Variants in UTP4 observed in about 807,000 individuals in gnomAD.
UTP4 encodes U3 small nucleolar RNA-associated protein 4 homolog.
UTP4 carries 45 observed loss-of-function variants against 82.4 expected under a neutral mutation model. That is an observed-to-expected ratio of 0.55 (90% CI 0.43 to 0.70). The LOEUF (loss-of-function observed/expected upper bound fraction) is 0.70. Ranked by LOEUF, UTP4 falls within the 30% of genes least tolerant of loss-of-function variation. The probability of loss-of-function intolerance (pLI) is 0.00; values close to 1 mark genes in which losing one functional copy is unlikely to be tolerated. For missense variants in UTP4, 819 were observed against 858.3 expected, an observed-to-expected ratio of 0.95 and a Z score of 0.57; for synonymous variants, 348 against 300.3, an observed-to-expected ratio of 1.16 and a Z score of -1.64.
chr16:69,165,559 T>G, intron 15 of UTP4, 33 bp downstream of exon 15: 1 of 1,577,420 alleles, frequency 6.3e-7, no homozygotes, highest in African/African-American at 1.3e-5. Flanking sequence ...CCAAATCTTC[T>G]TCTGAATCTT....
At chr16:69,135,997 G>A (rs1326339674) in intron 2 of UTP4, among the ~76,000 whole-genome samples, 1 of 152,142 alleles carries the variant, frequency 6.6e-6, no homozygotes, top group Non-Finnish European at 1.5e-5. Flanking sequence ...CCATTGCACT[G>A]CAGCCTGGGC....
At chr16:69,141,857 C>G (rs1962968091) in intron 5 of UTP4, among the ~76,000 whole-genome samples, 1 of 150,024 alleles carries the variant, frequency 6.7e-6, no homozygotes, top group South Asian at 2.1e-4. Context: ...TATTATTATA[C>G]TTTAAGTTTT....
chr16:69,165,208 A>T, intron 14 of UTP4, 133 bp from the exon 15 acceptor site: 2 of 736,256 alleles, frequency 2.7e-6, no homozygotes, highest in Non-Finnish European at 4.4e-6. Flanking sequence ...AAAAAAAAAA[A>T]GTGTTGGGAG....
intron 13 of UTP4, among the ~76,000 whole-genome samples, chr16:69,160,900 T>G (rs1963548010): frequency 6.6e-6 from 1 of 152,166 alleles, no homozygotes. Flanking sequence ...CTGGCCAGAC[T>G]TTTTTCTTTT....
intron 6 of UTP4, among the ~76,000 whole-genome samples, chr16:69,146,469 CCTTA>C (rs1963110709): frequency 1.3e-5 from 2 of 152,318 alleles, no homozygotes; most frequent in African/African-American, 4.8e-5. Flanking sequence ...GTATTTCATT[CCTTA>C]CTAAGACTGC....
At chr16:69,164,752 T>C (rs1963658063) in intron 14 of UTP4, among the ~76,000 whole-genome samples, 2 of 151,898 alleles carry the variant, frequency 1.3e-5, no homozygotes, top group Admixed American at 1.3e-4. Flanking sequence ...AAGTAAATCA[T>C]GATACATGGA....
chr16:69,164,009 C>T (rs1963634268), intron 14 of UTP4, among the ~76,000 whole-genome samples: 1 of 151,878 alleles, frequency 6.6e-6, no homozygotes, highest in South Asian at 2.1e-4. Flanking sequence ...CCTCAGCCTC[C>T]CGAGTAGCTG....
At chr16:69,157,292 C>T (rs1162681333) in intron 12 of UTP4, 52 bp downstream of exon 12, 1 of 1,593,572 alleles carries the variant, frequency 6.3e-7, no homozygotes, top group Non-Finnish European at 8.6e-7. Flanking sequence ...TAAGATGTAA[C>T]TTTTTTGCTT....
At chr16:69,144,967 C>G (rs918350779) in intron 6 of UTP4, among the ~76,000 whole-genome samples, 1 of 151,986 alleles carries the variant, frequency 6.6e-6, no homozygotes, top group African/African-American at 2.4e-5. Flanking sequence ...CATGGTGAAA[C>G]CCTGTCTCTA....
Position 69,133,517 on chromosome 16 carries a change from C to A in UTP4, c.58C>A (p.Arg20Ser), listed in dbSNP as rs1474535438. 6.2e-7 allele frequency: 1 copy of A among 1,613,960 alleles called. No individual in the cohort carries two copies. The highest frequency in any genetic ancestry group is 1.1e-5 in the South Asian group (1 of 91,078). The change falls in exon 2 of 17, where the codon CGC becomes AGC. Residue 20 changes from arginine (R) to serine (S), a missense_variant. Coordinates refer to ENST00000314423, the MANE Select transcript of UTP4 (RefSeq NM_032830.3). Reference protein sequence around the residue: ...RFFNYVPSGIRCVAYNNQSNR... With the variant: ...RFFNYVPSGISCVAYNNQSNR... ...CTTTAATTATGTTCCATCAGGAATCCGCTGTGTGGCTTACAATAACCAGTC... is the reference window on the plus strand; with the variant it reads ...CTTTAATTATGTTCCATCAGGAATCAGCTGTGTGGCTTACAATAACCAGTC...
At chr16:69,153,498 T>C (rs1963330472) in intron 8 of UTP4, 86 bp from the exon 9 acceptor site, 8 of 888,358 alleles carry the variant, frequency 9.0e-6, no homozygotes, top group South Asian at 4.2e-5. Context: ...CAGTAAAAAA[T>C]GTGCTAAGGT....
At chr16:69,165,938 G>A in intron 15 of UTP4, 2 of 335,070 alleles carry the variant, frequency 6.0e-6, no homozygotes, top group South Asian at 5.4e-5. Context: ...ATTAAAGGAG[G>A]TACAGGCTGA....
chr16:69,156,100 C>T, intron 11 of UTP4, 107 bp downstream of exon 11: 2 of 1,103,284 alleles, frequency 1.8e-6, no homozygotes, highest in South Asian at 2.6e-5. Context: ...CAGTTAAAAA[C>T]TATTTGGAGA....
intron 12 of UTP4, among the ~76,000 whole-genome samples, chr16:69,158,238 C>G (rs973787127): frequency 8.3e-6 from 1 of 120,196 alleles, no homozygotes; most frequent in African/African-American, 3.2e-5. Context: ...GTGGTGCGAT[C>G]ATGGCTCACT....
At chr16:69,157,895 A>G (rs1303171131) in intron 12 of UTP4, among the ~76,000 whole-genome samples, 1 of 151,474 alleles carries the variant, frequency 6.6e-6, no homozygotes, top group African/African-American at 2.4e-5. Flanking sequence ...GCCTGGCCCA[A>G]AAGTATTCTT....
chr16:69,163,887 T>TTG (rs1963629224), intron 14 of UTP4, among the ~76,000 whole-genome samples: 2 of 139,306 alleles, frequency 1.4e-5, no homozygotes, highest in African/African-American at 5.2e-5. Context: ...TCAGTTTGTT[T>TTG]TTTTTTTTTT....
chr16:69,141,752 CT>C (rs977138350), intron 5 of UTP4, among the ~76,000 whole-genome samples: 26 of 151,182 alleles, frequency 1.7e-4, no homozygotes, highest in Admixed American at 5.3e-4. Flanking sequence ...TTCCAGAGTT[CT>C]TTTTTTTCGT....
rs1422011234 is a variant in UTP4 at position 69,160,450 on chromosome 16, A to G, written c.1539A>G (p.Val513=). 1.2e-6 allele frequency: 2 copies of G among 1,613,488 alleles called. No individual in the cohort carries two copies. Among genetic ancestry groups the G allele is most frequent in the East Asian group, 2.2e-5 (1 of 44,886 alleles). The change falls in exon 13 of 17, where the codon GTA becomes GTG. Residue 513 remains valine (V), a synonymous_variant. Coordinates refer to ENST00000314423, the MANE Select transcript of UTP4 (RefSeq NM_032830.3). ...GTGCTGGAGTCCATGTCTACAACGT[A>G]AAACAGCTAAAGGTGAGCATAGGGT... ...GTSAGVHVYN[V]KQLKLHCTVP...
intron 6 of UTP4, among the ~76,000 whole-genome samples, chr16:69,146,595 T>C (rs1439668624): frequency 1.3e-5 from 2 of 152,194 alleles, no homozygotes; most frequent in African/African-American, 4.8e-5. Context: ...GTGCGGTGGC[T>C]CACGCCTGTA....
Sources: allele counts gnomAD v4.1 joint callset (sites outside exome capture counted in the v4.1 genomes callset), GRCh38; gene constraint gnomAD v4.1.1; transcripts MANE v1.5; gene names NCBI Gene and HGNC (gene_info 2026-07-23, HGNC 2026-07-21).